Variants in SLC36A1 observed in about 807,000 individuals in gnomAD.
The protein encoded by SLC36A1 is proton-coupled amino acid transporter 1.
Under a neutral mutation model 47.5 loss-of-function variants are expected in SLC36A1, and 30 were observed. That is an observed-to-expected ratio of 0.63 (90% CI 0.47 to 0.86). SLC36A1 has a LOEUF of 0.86. SLC36A1 is among the 40% of genes least tolerant of loss of function. The pLI is 0.00. For synonymous variants in SLC36A1, 255 were observed against 249.7 expected (o/e 1.02, Z -0.20); for missense variants, 517 against 606.0 (o/e 0.85, Z 1.54).
At position 151,474,159 on chromosome 5, in the gene SLC36A1, C is replaced by CAAAAAA. The variant is rs1156305401; in HGVS notation, c.822+403_822+408dup. On this transcript the variant is annotated intron_variant, in intron 8 of 10. Coordinates refer to ENST00000243389, the MANE Select transcript of SLC36A1 (RefSeq NM_078483.4). ...TGGGTGACAGAGCGAGACTCTGTCT[C>CAAAAAA]AAAAAAAAAAAAAAAAAAAAGAAAT... 4.8e-3 allele frequency among the ~76,000 whole-genome samples: 287 copies of CAAAAAA among 59,772 alleles called. 4 individuals are homozygous for CAAAAAA. Among genetic ancestry groups the CAAAAAA allele is most frequent in the African/African-American group, 6.3e-3 (75 of 11,958 alleles). The allele number at this position is 59,772 out of a possible 152,430, so 39.2% of individuals were successfully genotyped here. A position where few individuals can be genotyped will look rare whatever the true frequency, so the allele number is the denominator to read the frequency against.
At chr5:151,506,090 A>C in the SLC36A1 span, 3 of 1,516,012 alleles carry the variant, frequency 2.0e-6, no homozygotes, top group African/African-American at 2.8e-5. Context: ...TGGCTCCGCC[A>C]GGGTACACTG....
intron 7 of SLC36A1, chr5:151,469,367 A>G (rs1757020648): frequency 9.6e-6 from 6 of 624,998 alleles, no homozygotes; most frequent in Non-Finnish European, 1.5e-5. Context: ...GCTTTTTTCC[A>G]CCTTAAAAAT....
chr5:151,543,254 T>C, the SLC36A1 span: 6 of 1,614,214 alleles, frequency 3.7e-6, no homozygotes, highest in Non-Finnish European at 5.1e-6. Flanking sequence ...TCCTCTGGGT[T>C]CACTGAGTAG....
intron 1 of SLC36A1, among the ~76,000 whole-genome samples, chr5:151,448,769 G>A (rs951786662): frequency 3.9e-5 from 6 of 152,228 alleles, no homozygotes; most frequent in Admixed American, 2.6e-4. Flanking sequence ...GGGGAATCAG[G>A]ATATTTTGTC....
chr5:151,381,176 G>T, the SLC36A1 span: 217 of 440,076 alleles, frequency 4.9e-4, 1 homozygote, highest in Non-Finnish European at 8.5e-4. Context: ...GCTGATGGTG[G>T]CTGTGAGGGA....
the SLC36A1 span, among the ~76,000 whole-genome samples, chr5:151,501,896 C>T: frequency 3.4e-5 from 5 of 148,284 alleles, no homozygotes; most frequent in African/African-American, 1.3e-4. Context: ...AAATGCAAAA[C>T]TATAAAACTC....
chr5:151,528,945 T>A, the SLC36A1 span, among the ~76,000 whole-genome samples: 1 of 152,142 alleles, frequency 6.6e-6, no homozygotes, highest in South Asian at 2.1e-4. Context: ...CCCCATTCCA[T>A]TGTCTCTGAT....
chr5:151,349,867 C>T, the SLC36A1 span, among the ~76,000 whole-genome samples: 2 of 146,156 alleles, frequency 1.4e-5, no homozygotes, highest in African/African-American at 2.4e-5. Flanking sequence ...AGAATCTGTG[C>T]CATGTTATTT....
chr5:151,455,516 A>G (rs1026314735), intron 1 of SLC36A1, among the ~76,000 whole-genome samples: 3 of 152,110 alleles, frequency 2.0e-5, no homozygotes, highest in African/African-American at 7.2e-5. Context: ...GTCTCTCTGC[A>G]GTGTTTGAGA....
At chr5:151,512,549 G>A in the SLC36A1 span, 2 of 1,614,132 alleles carry the variant, frequency 1.2e-6, no homozygotes, top group Non-Finnish European at 1.7e-6. The surrounding 1 kb of genome is among the most constrained non-coding windows in gnomAD (Gnocchi z 4.1). Flanking sequence ...TGGGAGGAAA[G>A]GTTTCCATAG....
the SLC36A1 span, among the ~76,000 whole-genome samples, chr5:151,426,662 C>CTCTTA: frequency 6.6e-6 from 1 of 151,952 alleles, no homozygotes. Context: ...AGATGCCTTC[C>CTCTTA]TCTTAACTGC....
chr5:151,396,093 A>T, the SLC36A1 span, among the ~76,000 whole-genome samples: 2 of 151,854 alleles, frequency 1.3e-5, no homozygotes, highest in African/African-American at 4.8e-5. Context: ...TACAGGCGTG[A>T]GCCACTGTAC....
the SLC36A1 span, among the ~76,000 whole-genome samples, chr5:151,410,539 A>T: frequency 5.5e-4 from 79 of 144,772 alleles, 8 homozygotes; most frequent in Non-Finnish European, 4.6e-4. Flanking sequence ...TGGCGAGTCC[A>T]TGATATATCA....
chr5:151,528,449 G>A, the SLC36A1 span, among the ~76,000 whole-genome samples: 1 of 152,178 alleles, frequency 6.6e-6, no homozygotes, highest in Non-Finnish European at 1.5e-5. Context: ...CTAATTTGGA[G>A]TAAAGTATGA....
chr5:151,430,404 A>G, the SLC36A1 span, among the ~76,000 whole-genome samples: 10 of 143,620 alleles, frequency 7.0e-5, no homozygotes, highest in South Asian at 1.8e-3. Flanking sequence ...GCTGACTGCA[A>G]CCTCCGCCTC....
chr5:151,546,209 A>G, the SLC36A1 span: 22 of 1,614,144 alleles, frequency 1.4e-5, no homozygotes, highest in Non-Finnish European at 1.8e-5. Flanking sequence ...AGGTCATGCC[A>G]TTGTGGGGAG....
intron 10 of SLC36A1, among the ~76,000 whole-genome samples, chr5:151,486,432 C>G (rs929600305): frequency 2.0e-5 from 3 of 152,198 alleles, no homozygotes; most frequent in African/African-American, 7.2e-5. Context: ...GCAGGGAGTG[C>G]TATTCTCTTT....
the SLC36A1 span, among the ~76,000 whole-genome samples, chr5:151,523,730 C>T: frequency 6.6e-6 from 1 of 152,140 alleles, no homozygotes; most frequent in Non-Finnish European, 1.5e-5. Flanking sequence ...GGGCCATCTA[C>T]CAATCCTCTG....
the SLC36A1 span, among the ~76,000 whole-genome samples, chr5:151,425,586 GTGGA>G: frequency 2.0e-5 from 3 of 152,030 alleles, no homozygotes; most frequent in African/African-American, 4.8e-5. Context: ...TGGTGGATGA[GTGGA>G]TGGATGGATG....
Sources: gnomAD v4.1 joint callset for allele counts (sites outside exome capture counted in the v4.1 genomes callset) on GRCh38, gnomAD v4.1.1 for gene constraint, Gnocchi (gnomAD v3.1) non-coding constraint, MANE v1.5 for transcripts, NCBI Gene and HGNC (gene_info 2026-07-23, HGNC 2026-07-21) for gene names.